The following NTM variants were observed in gnomAD, a reference collection of about 807,000 sequenced individuals.
The protein encoded by NTM is IgLON family member 2.
NTM carries 13 observed loss-of-function variants against 42.1 expected under a neutral mutation model. That is an observed-to-expected ratio of 0.31 (90% CI 0.20 to 0.49). The LOEUF (loss-of-function observed/expected upper bound fraction) is 0.49. NTM is among the 20% of genes least tolerant of loss of function. The pLI is 0.99. For synonymous variants in NTM, 187 were observed against 179.2 expected (o/e 1.04, Z -0.35); for missense variants, 373 against 452.8 (o/e 0.82, Z 1.60).
At chr11:131,572,521 C>T (rs1321465572) in intron 1 of NTM, among the ~76,000 whole-genome samples, 2 of 152,120 alleles carry the variant, frequency 1.3e-5, no homozygotes, top group Non-Finnish European at 2.9e-5. Context: ...GCCTTTTGAC[C>T]TTTGGTGTGA....
chr11:132,119,537 G>A (rs1428021098), intron 2 of NTM, among the ~76,000 whole-genome samples: 2 of 152,198 alleles, frequency 1.3e-5, no homozygotes, highest in Non-Finnish European at 2.9e-5. Flanking sequence ...AGATGAGCCT[G>A]GGAATAATTA....
chr11:132,028,148 A>G (rs1002874923), intron 2 of NTM, among the ~76,000 whole-genome samples: 2 of 150,686 alleles, frequency 1.3e-5, no homozygotes, highest in Non-Finnish European at 2.9e-5. Context: ...AACTCTTAGC[A>G]TATTATTCAT....
chr11:132,218,494 A>G (rs990232058), intron 4 of NTM, among the ~76,000 whole-genome samples: 4 of 152,168 alleles, frequency 2.6e-5, no homozygotes, highest in African/African-American at 9.7e-5. Flanking sequence ...TCTAGGAAAG[A>G]GGGACCTAGG....
intron 4 of NTM, among the ~76,000 whole-genome samples, chr11:132,237,084 C>T (rs1258502404): frequency 1.3e-5 from 2 of 152,160 alleles, no homozygotes; most frequent in Non-Finnish European, 2.9e-5. Flanking sequence ...CATTCCACCC[C>T]GGATTCATGA....
intron 2 of NTM, among the ~76,000 whole-genome samples, chr11:132,118,404 C>A (rs2064208345): frequency 6.6e-6 from 1 of 152,196 alleles, no homozygotes; most frequent in Admixed American, 6.5e-5. Context: ...AAAGCTGGGA[C>A]TTGGCATTGC....
At chr11:131,384,460 G>T (rs1767359982) in intron 1 of NTM, among the ~76,000 whole-genome samples, 1 of 152,190 alleles carries the variant, frequency 6.6e-6, no homozygotes, top group Non-Finnish European at 1.5e-5. Context: ...TGTTCTTGGG[G>T]ATAACAGTTT....
At chr11:131,572,138 G>T (rs946067532) in intron 1 of NTM, among the ~76,000 whole-genome samples, 2 of 152,142 alleles carry the variant, frequency 1.3e-5, no homozygotes, top group East Asian at 3.9e-4. Context: ...GTGCCCTCTC[G>T]CATGCAGAGA....
intron 1 of NTM, among the ~76,000 whole-genome samples, chr11:131,377,965 T>G (rs140666450): frequency 1.3e-5 from 2 of 152,226 alleles, no homozygotes; most frequent in South Asian, 2.1e-4. Flanking sequence ...CAACTTGATC[T>G]CAGAAGTCAG....
chr11:131,424,979 A>G (rs996673298), intron 1 of NTM, among the ~76,000 whole-genome samples: 2 of 150,566 alleles, frequency 1.3e-5, no homozygotes, highest in South Asian at 2.1e-4. Context: ...TCCTGGGTTC[A>G]AGCAATTCTT....
At chr11:131,434,713 C>A (rs1948978794) in intron 1 of NTM, among the ~76,000 whole-genome samples, 1 of 152,118 alleles carries the variant, frequency 6.6e-6, no homozygotes, top group Non-Finnish European at 1.5e-5. Context: ...GGTTAGATTG[C>A]AAAAATTTTC....
At chr11:132,087,260 C>A (rs530317084) in intron 2 of NTM, among the ~76,000 whole-genome samples, 7 of 152,126 alleles carry the variant, frequency 4.6e-5, no homozygotes, top group Admixed American at 4.6e-4. Context: ...CTTTTGCCCA[C>A]GTACTGCCTT....
At chr11:132,329,905 C>T (rs765077673) in intron 7 of NTM, among the ~76,000 whole-genome samples, 2 of 152,196 alleles carry the variant, frequency 1.3e-5, no homozygotes, top group African/African-American at 2.4e-5. Context: ...ATCTGACTGT[C>T]GTTCACATCC....
chr11:132,334,567 C>T (rs563608824), intron 8 of NTM, among the ~76,000 whole-genome samples: 1 of 152,324 alleles, frequency 6.6e-6, no homozygotes, highest in Admixed American at 6.5e-5. Flanking sequence ...AGCAGGCAGA[C>T]ACATTGTTTT....
intron 1 of NTM, among the ~76,000 whole-genome samples, chr11:131,642,340 G>A (rs935280617): frequency 1.3e-5 from 2 of 152,344 alleles, no homozygotes; most frequent in South Asian, 2.1e-4. Context: ...GGAAACTGGA[G>A]AGAGATCCAG....
chr11:132,281,660 A>C (rs1465028533), intron 4 of NTM, among the ~76,000 whole-genome samples: 1 of 152,220 alleles, frequency 6.6e-6, no homozygotes, highest in Non-Finnish European at 1.5e-5. Context: ...AAAGCACAAT[A>C]TGTGCAGCCC....
chr11:131,950,704 G>A (rs2060886451), intron 2 of NTM, among the ~76,000 whole-genome samples: 1 of 152,186 alleles, frequency 6.6e-6, no homozygotes, highest in Non-Finnish European at 1.5e-5. Flanking sequence ...ATTAGATACT[G>A]TATATAGACT....
intron 1 of NTM, among the ~76,000 whole-genome samples, chr11:131,466,180 G>T (rs992564): frequency 0.11 from 16,322 of 152,200 alleles, 1,827 homozygotes; most frequent in East Asian, 0.53. Context: ...GAGCCCACAA[G>T]ATAAATCAAG....
intron 2 of NTM, among the ~76,000 whole-genome samples, chr11:132,118,992 C>G (rs760404710): frequency 4.6e-5 from 7 of 152,148 alleles, no homozygotes; most frequent in Non-Finnish European, 1.0e-4. Flanking sequence ...CCTCTCCCCC[C>G]AGCCTGCCAC....
chr11:131,562,739 C>T (rs187713393), intron 1 of NTM, among the ~76,000 whole-genome samples: 249 of 152,322 alleles, frequency 1.6e-3, no homozygotes, highest in African/African-American at 5.8e-3. Context: ...AACAGTGGTA[C>T]AGGGTGCTTT....
Sources: allele counts gnomAD v4.1 joint callset (sites outside exome capture counted in the v4.1 genomes callset), GRCh38; gene constraint gnomAD v4.1.1; transcripts MANE v1.5; gene names NCBI Gene and HGNC (gene_info 2026-07-23, HGNC 2026-07-21).